Variants in NRG1 observed in about 807,000 individuals in gnomAD.
NRG1 encodes the protein pro-neuregulin-1, membrane-bound isoform.
Under a neutral mutation model 63.8 loss-of-function variants are expected in NRG1, and 18 were observed. That is an observed-to-expected ratio of 0.28 (90% CI 0.19 to 0.42). The LOEUF (loss-of-function observed/expected upper bound fraction) is 0.42, where lower values mean the gene tolerates loss of function less well. Ranked by LOEUF, NRG1 falls within the 10% of genes least tolerant of loss-of-function variation. The pLI is 1.00. For synonymous variants in NRG1, 302 were observed against 301.3 expected (o/e 1.00, Z -0.02); for missense variants, 762 against 814.7 (o/e 0.94, Z 0.79).
chr8:32,446,660 C>CA (rs34552394), intron 1 of NRG1, among the ~76,000 whole-genome samples: 64,561 of 149,608 alleles, frequency 0.43, 14,035 homozygotes, highest in East Asian at 0.75. Flanking sequence ...GTCTCAAAAA[C>CA]AAAAAAAAAA....
chr8:32,120,414 T>C (rs1344684847), intron 1 of NRG1, among the ~76,000 whole-genome samples: 1 of 152,062 alleles, frequency 6.6e-6, no homozygotes, highest in Non-Finnish European at 1.5e-5. Context: ...TTTGGAAGAA[T>C]GGTAGTCCTA....
chr8:31,691,329 C>T (rs1809477570), intron 1 of NRG1, among the ~76,000 whole-genome samples: 1 of 152,026 alleles, frequency 6.6e-6, no homozygotes, highest in South Asian at 2.1e-4. Context: ...GATCTGAGGC[C>T]GGGCGCGGTG....
At chr8:31,726,650 G>A (rs923858590) in intron 1 of NRG1, among the ~76,000 whole-genome samples, 4 of 152,204 alleles carry the variant, frequency 2.6e-5, no homozygotes, top group Non-Finnish European at 5.9e-5. Context: ...ATACCAGTGG[G>A]GGAGTGAAAA....
chr8:32,585,692 T>C (rs1195010929), intron 1 of NRG1, among the ~76,000 whole-genome samples: 1 of 84,288 alleles, frequency 1.2e-5, no homozygotes, highest in East Asian at 2.8e-4. Flanking sequence ...TATTGCCTTG[T>C]TTTATTTCCC....
At chr8:32,567,395 G>A (rs1837651715) in intron 1 of NRG1, among the ~76,000 whole-genome samples, 1 of 152,166 alleles carries the variant, frequency 6.6e-6, no homozygotes, top group Non-Finnish European at 1.5e-5. Context: ...GTTTACAAGA[G>A]AAGAAACCAG....
intron 1 of NRG1, among the ~76,000 whole-genome samples, chr8:31,856,983 G>C (rs1443578200): frequency 1.3e-5 from 2 of 152,182 alleles, no homozygotes; most frequent in East Asian, 3.9e-4. Context: ...CAGATCTCCA[G>C]CTGCGTGCTG....
At chr8:32,462,154 CAGA>C (rs1179284317) in intron 1 of NRG1, among the ~76,000 whole-genome samples, 1 of 152,126 alleles carries the variant, frequency 6.6e-6, no homozygotes, top group Non-Finnish European at 1.5e-5. Context: ...TTCTGTATGT[CAGA>C]AGAACAAAGA....
chr8:32,276,061 T>C (rs1852066144), intron 1 of NRG1, among the ~76,000 whole-genome samples: 1 of 152,168 alleles, frequency 6.6e-6, no homozygotes. Flanking sequence ...CAAAATCCTC[T>C]CTTCTAGCCT....
At chr8:32,763,291 A>G in intron 11 of NRG1, 1 of 1,614,010 alleles carries the variant, frequency 6.2e-7, no homozygotes, top group Non-Finnish European at 8.5e-7. Flanking sequence ...GCTATCAGCA[A>G]CTCATCTTAG....
chr8:31,976,053 A>G (rs1808108830), intron 1 of NRG1, among the ~76,000 whole-genome samples: 1 of 152,210 alleles, frequency 6.6e-6, no homozygotes, highest in African/African-American at 2.4e-5. Context: ...AGTGACTACA[A>G]CAGAACTAGG....
chr8:32,714,789 CACAT>C (rs1416968717), intron 5 of NRG1, among the ~76,000 whole-genome samples: 1 of 152,162 alleles, frequency 6.6e-6, no homozygotes, highest in African/African-American at 2.4e-5. Context: ...CACAAACACA[CACAT>C]GCACACTCAC....
At chr8:32,771,634 A>G (rs1057436502), downstream of NRG1, among the ~76,000 whole-genome samples, 1 of 149,250 alleles carries the variant, frequency 6.7e-6, no homozygotes, top group Admixed American at 6.7e-5. Flanking sequence ...ATGAACAAAA[A>G]TGATCTTAGA....
chr8:32,671,283 A>G (rs1364992699), intron 5 of NRG1, among the ~76,000 whole-genome samples: 2 of 152,134 alleles, frequency 1.3e-5, no homozygotes, highest in African/African-American at 4.8e-5. Flanking sequence ...ATCATATTAC[A>G]ACCTTCTGCT....
At chr8:32,006,753 T>C (rs573247888) in intron 1 of NRG1, among the ~76,000 whole-genome samples, 1 of 152,114 alleles carries the variant, frequency 6.6e-6, no homozygotes, top group South Asian at 2.1e-4. Context: ...ACAACCTGAA[T>C]GATCTTGAAA....
intron 3 of NRG1, among the ~76,000 whole-genome samples, chr8:32,612,935 T>C (rs1846628880): frequency 1.3e-5 from 2 of 152,072 alleles, no homozygotes; most frequent in Admixed American, 1.3e-4. Context: ...ACACACTTTG[T>C]ATCTCTAATA....
intron 1 of NRG1, among the ~76,000 whole-genome samples, chr8:31,851,090 G>A (rs1330040447): frequency 6.6e-6 from 1 of 152,202 alleles, no homozygotes; most frequent in South Asian, 2.1e-4. Flanking sequence ...CTCATAAAGA[G>A]ATAGGACATC....
chr8:32,512,009 T>C (rs538715327), intron 1 of NRG1, among the ~76,000 whole-genome samples: 1 of 152,130 alleles, frequency 6.6e-6, no homozygotes, highest in East Asian at 1.9e-4. Flanking sequence ...ACATGCCAGG[T>C]AGGAGGCTAT....
chr8:32,407,274 A>T (rs4035324), intron 1 of NRG1, among the ~76,000 whole-genome samples: 59,043 of 108,616 alleles, frequency 0.54, 15,001 homozygotes, highest in East Asian at 0.91. Context: ...GTATATATAT[A>T]TTATATATAT....
chr8:32,414,834 A>T (rs1815631286), intron 1 of NRG1, among the ~76,000 whole-genome samples: 1 of 152,218 alleles, frequency 6.6e-6, no homozygotes, highest in African/African-American at 2.4e-5. Flanking sequence ...GTAAATGTTA[A>T]GGTGCTTCGG....
Sources: gnomAD v4.1 joint callset for allele counts (sites outside exome capture counted in the v4.1 genomes callset) on GRCh38, gnomAD v4.1.1 for gene constraint, MANE v1.5 for transcripts, NCBI Gene and HGNC (gene_info 2026-07-23, HGNC 2026-07-21) for gene names.